Variants in HIP1 observed in about 807,000 individuals in gnomAD.
The protein encoded by HIP1 is huntingtin-interacting protein 1.
In HIP1, 65 loss-of-function variants were observed where a neutral mutation model predicts 147.6. The observed-to-expected ratio is 0.44, with a 90% CI of 0.36 to 0.54. The LOEUF is 0.54. Ranked by LOEUF, HIP1 falls within the 20% of genes least tolerant of loss-of-function variation. The probability of loss-of-function intolerance (pLI) is 0.00; values close to 1 mark genes in which losing one functional copy is unlikely to be tolerated. For missense variants in HIP1, 1,061 were observed against 1,299.6 expected (o/e 0.82, Z 2.82); for synonymous variants, 479 against 504.0 (o/e 0.95, Z 0.67).
chr7:75,581,505 G>A (rs147863380), intron 6 of HIP1, among the ~76,000 whole-genome samples: 1,969 of 152,336 alleles, frequency 0.013, 40 homozygotes, highest in African/African-American at 0.045. Context: ...CAGGTCGGGG[G>A]CGGTGGCTCA....
rs2116708730 is a variant in HIP1 at position 75,537,744 on chromosome 7, A to G, written c.*428T>C. The G allele has an allele frequency of 3.9e-6, 1 of 255,358 alleles. No homozygotes were observed. The highest frequency in any genetic ancestry group is 2.2e-5 in the African/African-American group (1 of 45,848). 15.8% of individuals were successfully genotyped at this position (255,358 alleles called of 1,614,324 possible). A position where few individuals can be genotyped will look rare whatever the true frequency, so the allele number is the denominator to read the frequency against. On this transcript the variant is annotated 3_prime_UTR_variant, in exon 31 of 31. Transcript: ENST00000336926. ...ATGAAACTGAAAAGACTGAGAAGAAAACAGAAAAGAAAAGGCATAAGATCT... is the reference window on the plus strand; with the variant it reads ...ATGAAACTGAAAAGACTGAGAAGAAGACAGAAAAGAAAAGGCATAAGATCT...
chr7:75,596,859 T>C (rs1031305967), intron 2 of HIP1, among the ~76,000 whole-genome samples: 4 of 152,210 alleles, frequency 2.6e-5, no homozygotes, highest in Non-Finnish European at 5.9e-5. Flanking sequence ...GACCTGACCC[T>C]GCCGCTGCAG....
intron 1 of HIP1, among the ~76,000 whole-genome samples, chr7:75,690,155 G>A (rs1285669401): frequency 6.6e-6 from 1 of 152,036 alleles, no homozygotes; most frequent in Admixed American, 6.6e-5. Flanking sequence ...CATGCCTGTA[G>A]TAGTTCCAGC....
At chr7:75,668,649 T>C (rs746584605) in intron 1 of HIP1, among the ~76,000 whole-genome samples, 1 of 152,212 alleles carries the variant, frequency 6.6e-6, no homozygotes, top group Non-Finnish European at 1.5e-5. Context: ...TTTCAAGCCA[T>C]CATGCCCTTG....
chr7:75,661,184 G>C (rs1444310150), intron 1 of HIP1, among the ~76,000 whole-genome samples: 2 of 151,564 alleles, frequency 1.3e-5, no homozygotes, highest in Non-Finnish European at 2.9e-5. Flanking sequence ...AGGTTGAGAA[G>C]GGAGGATCAC....
chr7:75,614,774 A>T (rs781886498), intron 1 of HIP1, among the ~76,000 whole-genome samples: 1 of 151,312 alleles, frequency 6.6e-6, no homozygotes. Context: ...TGAGAAACTG[A>T]TTTTTTTTTC....
intron 13 of HIP1, among the ~76,000 whole-genome samples, chr7:75,560,442 G>T (rs1795187681): frequency 6.6e-6 from 1 of 152,092 alleles, no homozygotes; most frequent in African/African-American, 2.4e-5. Flanking sequence ...TGTAGAGATG[G>T]GGTCTTGCTA....
At chr7:75,670,158 CT>C (rs1266104563) in intron 1 of HIP1, among the ~76,000 whole-genome samples, 20 of 150,972 alleles carry the variant, frequency 1.3e-4, no homozygotes, top group African/African-American at 4.9e-4. Context: ...CACTATTTTT[CT>C]TTTTTTGAGA....
In HIP1 at chr7:75,562,979, C is replaced by T. The variant is rs375233232; in HGVS notation, c.976G>A (p.Val326Ile). The T allele has an allele frequency of 5.1e-5, 82 of 1,614,112 alleles. No individual in the cohort carries two copies. The highest frequency in any genetic ancestry group is 6.9e-5 in the Non-Finnish European group (81 of 1,180,052). Residue 326 changes from valine (V) to isoleucine (I), a missense_variant, in exon 11 of 31, where the codon GTC becomes ATC. Coordinates refer to ENST00000336926, the MANE Select transcript of HIP1 (RefSeq NM_005338.7). ...AEASSPDSEP[V>I]LEKDDLMDMD... ...TCCATGAGGTCATCCTTCTCTAGGA[C>T]TGGCTCGCTGTCGGGGGATGAGGCC...
chr7:75,712,901 C>G (rs549322936), intron 1 of HIP1, among the ~76,000 whole-genome samples: 21 of 152,340 alleles, frequency 1.4e-4, no homozygotes, highest in Admixed American at 1.1e-3. Flanking sequence ...GACTTGCTAA[C>G]TCATTTACTC....
chr7:75,598,945 A>G (rs782284775), intron 2 of HIP1, among the ~76,000 whole-genome samples: 2 of 152,184 alleles, frequency 1.3e-5, no homozygotes, highest in Non-Finnish European at 2.9e-5. Context: ...AAGGAGCAGG[A>G]TCTTTGGCAA....
chr7:75,702,115 TC>T (rs1339837684), intron 1 of HIP1, among the ~76,000 whole-genome samples: 2 of 149,354 alleles, frequency 1.3e-5, no homozygotes, highest in East Asian at 3.9e-4. Context: ...TTTTTTTCTT[TC>T]TTTTTTTTTT....
At chr7:75,612,551 G>A (rs1041725978) in intron 1 of HIP1, among the ~76,000 whole-genome samples, 17 of 151,826 alleles carry the variant, frequency 1.1e-4, no homozygotes, top group African/African-American at 2.4e-4. Flanking sequence ...GCTCATGCCC[G>A]TAATCCCTGA....
At chr7:75,650,254 C>A (rs543853101) in intron 1 of HIP1, among the ~76,000 whole-genome samples, 1 of 152,100 alleles carries the variant, frequency 6.6e-6, no homozygotes, top group East Asian at 1.9e-4. Context: ...AGTCAGCAAA[C>A]AGCCTGGAAA....
In HIP1 at chr7:75,693,647, G is replaced by A. The variant is rs189961949; in HGVS notation, c.120+45154C>T. 5.9e-3 allele frequency among the ~76,000 whole-genome samples: 896 copies of A among 152,014 alleles called. 7 individuals carry two copies. The highest frequency in any genetic ancestry group is 0.012 in the Admixed American group (188 of 15,196). ...CCTGGCGCTTTGGGAGGCCGAGGTG[G>A]AAGGATTGCTTGAGCCCAAGAGTTC... On this transcript the variant is annotated intron_variant, in intron 1 of 30. Coordinates refer to ENST00000336926, the MANE Select transcript of HIP1 (RefSeq NM_005338.7).
At chr7:75,698,585 A>G (rs1800710474) in intron 1 of HIP1, among the ~76,000 whole-genome samples, 1 of 152,174 alleles carries the variant, frequency 6.6e-6, no homozygotes, top group South Asian at 2.1e-4. Context: ...TGGGAGGCCA[A>G]GGCAGGAGGA....
chr7:75,605,309 C>G (rs1797182047), intron 1 of HIP1, among the ~76,000 whole-genome samples: 1 of 152,174 alleles, frequency 6.6e-6, no homozygotes, highest in Non-Finnish European at 1.5e-5. Context: ...GGAAGTGCCA[C>G]AAGTAAAGGC....
chr7:75,704,600 CG>C lies in HIP1; in HGVS notation c.120+34200del, dbSNP rs1800934757. Among the ~76,000 whole-genome samples, 3 of 150,710 alleles carry C rather than the reference CG, an allele frequency of 2.0e-5. No individual in the cohort carries two copies. The South Asian group carries it at 6.3e-4, about 32-fold the overall frequency. ...GTTGTTGTTGTTTGTTTGTTTGAGA[CG>C]GAGTCTCACTCTGTTGCTCAGGCTG... On this transcript the variant is annotated intron_variant, in intron 1 of 30. Coordinates refer to ENST00000336926, the MANE Select transcript of HIP1 (RefSeq NM_005338.7).
At chr7:75,624,596 C>T (rs587704098) in intron 1 of HIP1, among the ~76,000 whole-genome samples, 1 of 152,310 alleles carries the variant, frequency 6.6e-6, no homozygotes, top group East Asian at 1.9e-4. Context: ...CTTTCTAAAG[C>T]ACAGCTCCAA....
Sources: allele counts gnomAD v4.1 joint callset (sites outside exome capture counted in the v4.1 genomes callset), GRCh38; gene constraint gnomAD v4.1.1; transcripts MANE v1.5; gene names NCBI Gene and HGNC (gene_info 2026-07-23, HGNC 2026-07-21).